KCTD3: variants seen among roughly 807,000 people sequenced by gnomAD.
KCTD3 encodes potassium channel tetramerization domain containing 3, also known as BTB/POZ domain-containing protein KCTD3.
Under a neutral mutation model 85.8 loss-of-function variants are expected in KCTD3, and 41 were observed. The ratio of observed to expected loss-of-function variants is 0.48; its 90% CI spans 0.37 to 0.62. The LOEUF (loss-of-function observed/expected upper bound fraction) is 0.62. KCTD3 is among the 20% of genes least tolerant of loss of function. The pLI, the probability that KCTD3 is intolerant of heterozygous loss-of-function variation, is 0.00. For missense variants in KCTD3, 724 were observed against 989.9 expected, an observed-to-expected ratio of 0.73 and a Z score of 3.60; for synonymous variants, 338 against 345.4, an observed-to-expected ratio of 0.98 and a Z score of 0.24.
At position 215,620,615 on chromosome 1, in the gene KCTD3, G is replaced by C. The variant is rs1356756286; in HGVS notation, c.2445G>C (p.Leu815Phe). ...KSDSSGQEYS[L>F] is the part of the protein sequence containing the mutation. ...ATTCTTCAGGTCAGGAGTACAGCTT[G>C]TGAAAACTCACCAAAATGAATAGTT... The change falls in exon 18 of 18, where the codon TTG becomes TTC. Residue 815 changes from leucine (L) to phenylalanine (F), a missense_variant. Physicochemically the swap from Leu to Phe is conservative, Grantham distance 22. Around this residue, in one of 6 missense-constraint regions of KCTD3, gnomAD observed 222 missense variants for 217.7 expected, o/e 1.02. Transcript: ENST00000259154. 6.4e-7 allele frequency: 1 copy of C among 1,562,542 alleles called. No individual in the cohort carries two copies. The highest frequency in any genetic ancestry group is 1.4e-5 in the African/African-American group (1 of 72,830).
intron 9 of KCTD3, among the ~76,000 whole-genome samples, chr1:215,590,340 A>G (rs369363133): frequency 7.2e-5 from 11 of 152,150 alleles, no homozygotes; most frequent in East Asian, 1.9e-4. Flanking sequence ...GTGTTTCACA[A>G]CCAAGGAAAT....
intron 13 of KCTD3, among the ~76,000 whole-genome samples, chr1:215,606,476 C>T (rs1655025390): frequency 6.6e-6 from 1 of 152,016 alleles, no homozygotes; most frequent in Non-Finnish European, 1.5e-5. Context: ...GTAAAAGATG[C>T]TGAATAAATG....
chr1:215,580,110 C>A (rs1659762519), intron 8 of KCTD3, 111 bp downstream of exon 8: 1 of 676,542 alleles, frequency 1.5e-6, no homozygotes, highest in East Asian at 2.8e-5. Flanking sequence ...CAAGTTTTTT[C>A]CCTGCATATT....
chr1:215,580,748 A>G (rs947941507), intron 8 of KCTD3, among the ~76,000 whole-genome samples: 5 of 152,170 alleles, frequency 3.3e-5, no homozygotes, highest in Admixed American at 6.5e-5. Context: ...TTTGTTTATC[A>G]CTGTTGAGTT....
At chr1:215,572,792 A>G in intron 1 of KCTD3, among the ~76,000 whole-genome samples, 1 of 152,230 alleles carries the variant, frequency 6.6e-6, no homozygotes, top group East Asian at 1.9e-4. Context: ...GCCACTATTC[A>G]GTCACCTTGT....
intron 1 of KCTD3, among the ~76,000 whole-genome samples, chr1:215,568,329 T>C (rs1659225284): frequency 6.6e-6 from 1 of 152,162 alleles, no homozygotes; most frequent in Non-Finnish European, 1.5e-5. Flanking sequence ...TCTTGGTGCA[T>C]GGGCTTGAAG....
chr1:215,589,892 T>C (rs1024633232), intron 9 of KCTD3, among the ~76,000 whole-genome samples: 1 of 152,248 alleles, frequency 6.6e-6, no homozygotes, highest in Non-Finnish European at 1.5e-5. Context: ...TGAATAAAGC[T>C]GCAGTTAACA....
chr1:215,616,188 A>G lies in KCTD3; in HGVS notation c.1563-2698A>G, dbSNP rs139558874. 2.6e-5 allele frequency among the ~76,000 whole-genome samples: 4 copies of G among 152,352 alleles called. No homozygotes were observed. In the East Asian group the frequency reaches 7.7e-4, roughly 29 times the overall value. The stretch of plus-strand genomic sequence containing the variant: ...TTCTGAGGGTATTTTCTGAGACCCA[A>G]GTTTTCATATGCATACAAATGTTGA... On this transcript the variant is annotated intron_variant, in intron 15 of 17. Transcript: ENST00000259154.
In KCTD3 at chr1:215,567,737, G is replaced by T; in HGVS notation, c.52G>T (p.Glu18Ter). The T allele has an allele frequency of 8.0e-7, 1 of 1,244,426 alleles. No homozygotes were observed. 77.1% of individuals were successfully genotyped at this position (1,244,426 alleles called of 1,614,324 possible). The part of the protein sequence containing the change: ...SFPAAAAGSG[E>*]IVQLNVGGTR... ...CCCCGCGGCGGCGGCCGGCAGCGGC[G>T]AGATCGTCCAACTGAACGTAGGGGG... Residue 18 changes from glutamate to a stop codon, truncating the protein, a stop_gained, in exon 1 of 18, where the codon GAG becomes TAG. Transcript: ENST00000259154. LOFTEE classifies it high-confidence loss of function.
intron 8 of KCTD3, chr1:215,580,901 G>A: frequency 2.2e-6 from 1 of 451,540 alleles, no homozygotes; most frequent in Non-Finnish European, 4.6e-6. Flanking sequence ...GGTAAGTGCT[G>A]TTTATATCAG....
At chr1:215,618,434 T>A in intron 15 of KCTD3, 1 of 165,576 alleles carries the variant, frequency 6.0e-6, no homozygotes, top group Non-Finnish European at 1.3e-5. Context: ...TTGCCTATAC[T>A]GATTTTTCTT....
chr1:215,614,034 T>TG (rs1384066896), intron 15 of KCTD3, among the ~76,000 whole-genome samples: 3 of 137,256 alleles, frequency 2.2e-5, no homozygotes, highest in African/African-American at 5.8e-5. Flanking sequence ...TTTTTTTTTT[T>TG]TTTTTTTTTT....
At chr1:215,619,412 G>T in intron 17 of KCTD3, 121 bp downstream of exon 17, 1 of 829,906 alleles carries the variant, frequency 1.2e-6, no homozygotes, top group South Asian at 2.2e-5. Flanking sequence ...TTTAAATTCA[G>T]ACATTATGTT....
intron 5 of KCTD3, 80 bp from the exon 6 acceptor site, chr1:215,577,921 T>A: frequency 1.3e-6 from 2 of 1,561,324 alleles, no homozygotes; most frequent in Non-Finnish European, 1.7e-6. Flanking sequence ...CTTATCCTCT[T>A]GAACTAGAGA....
At chr1:215,601,838 A>C in intron 10 of KCTD3, 29 bp from the exon 11 acceptor site, 1 of 1,210,448 alleles carries the variant, frequency 8.3e-7, no homozygotes, top group South Asian at 1.3e-5. Context: ...ATTACTATCT[A>C]ACATCTGATA....
chr1:215,615,833 C>T (rs1655423478), intron 15 of KCTD3, among the ~76,000 whole-genome samples: 2 of 151,968 alleles, frequency 1.3e-5, no homozygotes, highest in Admixed American at 1.3e-4. Context: ...CATTTTTATG[C>T]TTAGGTTAGA....
intron 9 of KCTD3, among the ~76,000 whole-genome samples, chr1:215,592,744 T>G (rs751629994): frequency 3.9e-5 from 6 of 152,196 alleles, no homozygotes; most frequent in Non-Finnish European, 7.4e-5. Context: ...AAGAAAATTG[T>G]TAGGGCTGGT....
chr1:215,605,211 A>G (rs899038293), intron 13 of KCTD3, among the ~76,000 whole-genome samples: 2 of 152,182 alleles, frequency 1.3e-5, no homozygotes, highest in Admixed American at 1.3e-4. Context: ...AAGGCTGGCT[A>G]GAAGATAATG....
chr1:215,567,387 G>T lies in KCTD3; in HGVS notation c.-299G>T. On this transcript the variant is annotated 5_prime_UTR_variant, in exon 1 of 18. Coordinates refer to ENST00000259154, the MANE Select transcript of KCTD3 (RefSeq NM_016121.5). ...GACCCCTCCTCCCAGGCAGGCTGCG[G>T]CGGCGTCGGTGGCAGCGGAGCACGG... The T allele has an allele frequency of 9.9e-6, 2 of 202,316 alleles. No homozygotes were observed. The highest frequency in any genetic ancestry group is 2.0e-5 in the Non-Finnish European group (2 of 101,968). The allele number at this position is 202,316 out of a possible 1,614,324, so 12.5% of individuals were successfully genotyped here. A position where few individuals can be genotyped will look rare whatever the true frequency, so the allele number is the denominator to read the frequency against.
Sources: gnomAD v4.1 joint callset for allele counts (sites outside exome capture counted in the v4.1 genomes callset) on GRCh38, gnomAD v4.1.1 for gene constraint, gnomAD v4.1.1 regional missense constraint, MANE v1.5 for transcripts, NCBI Gene and HGNC (gene_info 2026-07-23, HGNC 2026-07-21) for gene names.